Variants in FAS observed in about 807,000 individuals in gnomAD.
The protein encoded by FAS is Fas cell surface death receptor.
In FAS, 5 loss-of-function variants were observed where a neutral mutation model predicts 33.2. That is an observed-to-expected ratio of 0.15 (90% CI 0.08 to 0.32). The LOEUF is 0.32. Among genes scored for constraint, FAS ranks in the 10% least tolerant of loss-of-function variants. The pLI, the probability that FAS is intolerant of heterozygous loss-of-function variation, is 1.00. For synonymous variants in FAS, 131 were observed against 130.7 expected (o/e 1.00, Z -0.01); for missense variants, 339 against 386.0 (o/e 0.88, Z 1.02).
chr10:88,969,271 C>CA (rs1294134839), intron 1 of FAS, among the ~76,000 whole-genome samples: 5 of 151,968 alleles, frequency 3.3e-5, no homozygotes, highest in Admixed American at 1.3e-4. Flanking sequence ...TTTCATTTCC[C>CA]AAAAAAAGCT....
chr10:89,009,095 T>G (rs527958962), intron 4 of FAS, 98 bp downstream of exon 4: 32 of 1,166,060 alleles, frequency 2.7e-5, no homozygotes, highest in Non-Finnish European at 3.9e-5. Flanking sequence ...AGAATTAGGG[T>G]TCTAGTCCTG....
At chr10:88,979,205 G>A (rs567549613) in intron 2 of FAS, among the ~76,000 whole-genome samples, 43 of 152,124 alleles carry the variant, frequency 2.8e-4, no homozygotes, top group African/African-American at 6.3e-4. Flanking sequence ...GTGTATGAGC[G>A]TAGGGATCTG....
At chr10:88,987,261 A>G (rs1455084766), upstream of FAS, among the ~76,000 whole-genome samples, 1 of 152,256 alleles carries the variant, frequency 6.6e-6, no homozygotes, top group Non-Finnish European at 1.5e-5. Context: ...GCTAATTTGT[A>G]ACAATTAACT....
At chr10:88,985,933 A>G (rs531405698), upstream of FAS, among the ~76,000 whole-genome samples, 1 of 152,324 alleles carries the variant, frequency 6.6e-6, no homozygotes, top group African/African-American at 2.4e-5. Context: ...CATGCAGGCA[A>G]ATATTTTGTT....
At chr10:88,988,443 T>TTTTTTTTTTTTTTTTTTTTTTTTTTTTA (rs1554846019), upstream of FAS, among the ~76,000 whole-genome samples, 1 of 142,370 alleles carries the variant, frequency 7.0e-6, no homozygotes, top group African/African-American at 2.6e-5. Flanking sequence ...TTTTGTTTTT[T>TTTTTTTTTTTTTTTTTTTTTTTTTTTTA]ATCTTAACTC....
Position 89,008,958 on chromosome 10 carries a change from G to C in FAS, c.404G>C (p.Cys135Ser), listed in dbSNP as rs1404280764. ...TGCAGATGTAAACCAAACTTTTTTTGTAACTCTACTGTATGTGAACACTGT... is the reference window on the plus strand; with the variant it reads ...TGCAGATGTAAACCAAACTTTTTTTCTAACTCTACTGTATGTGAACACTGT... ...TKCRCKPNFFCNSTVCEHCDP... is the reference protein window; with the variant it reads ...TKCRCKPNFFSNSTVCEHCDP... The change falls in exon 4 of 9, where the codon TGT (cysteine) becomes TCT (serine). Residue 135 changes from cysteine to serine, a missense_variant. Transcript: ENST00000652046. 6.2e-7 allele frequency: 1 copy of C among 1,613,926 alleles called. No individual in the cohort carries two copies. The highest frequency in any genetic ancestry group is 8.5e-7 in the Non-Finnish European group (1 of 1,179,860).
At chr10:89,011,830 G>A (rs1299389513) in intron 6 of FAS, among the ~76,000 whole-genome samples, 169 bp from the exon 7 acceptor site, 1 of 152,232 alleles carries the variant, frequency 6.6e-6, no homozygotes, top group Non-Finnish European at 1.5e-5. Context: ...ACTTGACTTA[G>A]TAGTACGAAA....
intron 7 of FAS, 154 bp downstream of exon 7, chr10:89,012,235 G>T (rs1367194457): frequency 1.8e-5 from 12 of 658,154 alleles, no homozygotes; most frequent in Non-Finnish European, 2.6e-5. Flanking sequence ...TGGAGTGCAG[G>T]GGTGCAATCA....
rs918656721 is a variant in FAS, at chr10:89,016,882, T to C, written c.*2432T>C. 4 of 198,768 alleles carry C rather than the reference T, an allele frequency of 2.0e-5. No homozygotes were observed. In the Admixed American group the frequency reaches 2.4e-4, roughly 12 times the overall value. The allele number at this position is 198,768 out of a possible 1,614,324, so 12.3% of individuals were successfully genotyped here. A position where few individuals can be genotyped will look rare whatever the true frequency, so the allele number is the denominator to read the frequency against. On this transcript the variant is annotated 3_prime_UTR_variant, in exon 9 of 9. Transcript: ENST00000652046. Reference sequence around the variant, plus strand: ...GACCTCTGATTAGATCAGACACTTTTTAGATATTGAATCATCAGTTTCTGT... The same window carrying C: ...GACCTCTGATTAGATCAGACACTTTCTAGATATTGAATCATCAGTTTCTGT...
intron 4 of FAS, 57 bp from the exon 5 acceptor site, chr10:89,010,482 A>G (rs1299273957): frequency 6.8e-7 from 1 of 1,476,544 alleles, no homozygotes; most frequent in African/African-American, 1.4e-5. Context: ...GCCATTGAAA[A>G]TTATAAAGGA....
Position 88,995,821 on chromosome 10 carries a change from G to A in FAS, c.30+4915G>A, listed in dbSNP as rs537075071. 4.0e-5 allele frequency among the ~76,000 whole-genome samples: 6 copies of A among 149,030 alleles called. No homozygotes were observed. The South Asian group carries it at 8.4e-4, about 21-fold the overall frequency. On this transcript the variant is annotated intron_variant, in intron 1 of 8. Coordinates refer to ENST00000652046, the MANE Select transcript of FAS (RefSeq NM_000043.6). ...AGGCTGGGCGACAGAGTGAGACTCC[G>A]TCTACAAAGAAAACAAAGAAACAAA...
intron 1 of FAS, among the ~76,000 whole-genome samples, chr10:88,964,322 CA>C (rs1404881276): frequency 5.3e-5 from 8 of 152,114 alleles, no homozygotes; most frequent in Admixed American, 2.6e-4. Context: ...GAGCAATTCT[CA>C]AAGAAGTGGC....
exon 2 of FAS, chr10:88,973,213 G>GC: frequency 6.2e-7 from 1 of 1,612,104 alleles, no homozygotes. Flanking sequence ...ATAATTTCTG[G>GC]CACTGCTTTG....
chr10:89,013,490 A>G (rs940762184), intron 8 of FAS, 123 bp downstream of exon 8: 27 of 931,946 alleles, frequency 2.9e-5, no homozygotes, highest in South Asian at 1.0e-4. Context: ...TTCTCATACA[A>G]TTCTACCTGC....
At position 89,015,049 on chromosome 10, in the gene FAS, A is replaced by G. The variant is rs943672804; in HGVS notation, c.*599A>G. Reference sequence around the variant, plus strand: ...CAGTTTATTGGTGTCATATTATACAATATTTCAATTGTGAATTCACATAGA... The same window carrying G: ...CAGTTTATTGGTGTCATATTATACAGTATTTCAATTGTGAATTCACATAGA... On this transcript the variant is annotated 3_prime_UTR_variant, in exon 9 of 9. Transcript: ENST00000652046. 1.9e-6 allele frequency: 1 copy of G among 534,274 alleles called. No homozygotes were observed. The allele number at this position is 534,274 out of a possible 1,614,324, so 33.1% of individuals were successfully genotyped here.
intron 1 of FAS, among the ~76,000 whole-genome samples, chr10:88,971,686 TAAG>T (rs1316935103): frequency 6.6e-6 from 1 of 152,210 alleles, no homozygotes; most frequent in Non-Finnish European, 1.5e-5. Flanking sequence ...AGGACACGTG[TAAG>T]ACTATAATAC....
At chr10:88,965,684 A>G (rs1431931608) in intron 1 of FAS, among the ~76,000 whole-genome samples, 1 of 152,146 alleles carries the variant, frequency 6.6e-6, no homozygotes, top group Admixed American at 6.5e-5. Flanking sequence ...TCCAAGGGTG[A>G]CCATCATGCT....
rs114111222 is a variant in FAS, at chr10:88,999,929, A to G, written c.31-3100A>G. Among the ~76,000 whole-genome samples, 850 of 152,342 alleles carry G rather than the reference A, an allele frequency of 5.6e-3. 7 individuals are homozygous for G. The highest frequency in any genetic ancestry group is 0.019 in the African/African-American group (799 of 41,586). On this transcript the variant is annotated intron_variant, in intron 1 of 8. Coordinates refer to ENST00000652046, the MANE Select transcript of FAS (RefSeq NM_000043.6). ...AGAGACAGAAATTACTGCAAACTGT[A>G]CTTACCAGTTTCTGGTGATTTGTAT...
At chr10:88,969,776 C>T (rs369443693) in intron 1 of FAS, among the ~76,000 whole-genome samples, 2 of 152,114 alleles carry the variant, frequency 1.3e-5, no homozygotes, top group Non-Finnish European at 1.5e-5. Flanking sequence ...TTATTTCATT[C>T]GTATACATCT....
Sources: gnomAD v4.1 joint callset for allele counts (sites outside exome capture counted in the v4.1 genomes callset) on GRCh38, gnomAD v4.1.1 for gene constraint, MANE v1.5 for transcripts, NCBI Gene and HGNC (gene_info 2026-07-23, HGNC 2026-07-21) for gene names.